SPIDR: variants seen among roughly 807,000 people sequenced by gnomAD.
The protein encoded by SPIDR is DNA repair-scaffolding protein.
A neutral mutation model predicts 104.6 loss-of-function variants in SPIDR; 93 were observed. The ratio of observed to expected loss-of-function variants is 0.89; its 90% CI spans 0.75 to 1.06. The LOEUF (loss-of-function observed/expected upper bound fraction) is 1.06, where lower values mean the gene tolerates loss of function less well. Ranked by LOEUF, SPIDR falls within the 50% of genes least tolerant of loss-of-function variation. The probability of loss-of-function intolerance (pLI) is 0.00; values close to 1 mark genes in which losing one functional copy is unlikely to be tolerated. For missense variants in SPIDR, 1,154 were observed against 1,111.2 expected, an observed-to-expected ratio of 1.04 and a Z score of -0.55; for synonymous variants, 431 against 416.9, an observed-to-expected ratio of 1.03 and a Z score of -0.41.
intron 5 of SPIDR, among the ~76,000 whole-genome samples, chr8:47,315,040 G>T (rs587618352): frequency 3.3e-4 from 50 of 152,092 alleles, no homozygotes; most frequent in Admixed American, 6.6e-4. Context: ...ATAAAGAAGG[G>T]CATTTCATAG....
At chr8:47,579,689 A>C (rs530624877) in intron 8 of SPIDR, among the ~76,000 whole-genome samples, 4 of 152,256 alleles carry the variant, frequency 2.6e-5, no homozygotes, top group African/African-American at 7.2e-5. Context: ...CTGTCAGCAG[A>C]TAGAGAAGCA....
intron 10 of SPIDR, among the ~76,000 whole-genome samples, chr8:47,605,086 A>G (rs2062779623): frequency 6.6e-6 from 1 of 152,230 alleles, no homozygotes; most frequent in Non-Finnish European, 1.5e-5. Flanking sequence ...TAGGGAAACA[A>G]TAGAGACAAA....
At chr8:47,336,948 C>T (rs1445355787) in intron 5 of SPIDR, among the ~76,000 whole-genome samples, 3 of 152,154 alleles carry the variant, frequency 2.0e-5, no homozygotes, top group Non-Finnish European at 4.4e-5. Context: ...CTTCACCTCA[C>T]TTTTCATTAT....
chr8:47,681,981 G>A (rs1220387318), intron 11 of SPIDR, among the ~76,000 whole-genome samples: 1 of 151,778 alleles, frequency 6.6e-6, no homozygotes, highest in Non-Finnish European at 1.5e-5. Context: ...TAATTAAGGA[G>A]GGAAAAAAGG....
intron 8 of SPIDR, among the ~76,000 whole-genome samples, chr8:47,578,114 A>G (rs1306135742): frequency 6.6e-6 from 1 of 152,242 alleles, no homozygotes; most frequent in South Asian, 2.1e-4. Context: ...AGACTACACT[A>G]TGCACTTCAC....
chr8:47,598,961 G>A lies in SPIDR; in HGVS notation c.1309G>A (p.Val437Ile), dbSNP rs199590481. 3 of 1,612,712 alleles carry A rather than the reference G, an allele frequency of 1.9e-6. No homozygotes were observed. The highest frequency in any genetic ancestry group is 4.5e-5 in the East Asian group (2 of 44,894). The change falls in exon 10 of 20, where the codon GTA becomes ATA. Residue 437 changes from valine (V) to isoleucine (I), a missense_variant. Val to Ile is a conservative substitution (Grantham distance 29). Transcript: ENST00000297423. ...SPEIQVVCSG[V>I]ATTGTAWTHG... is the part of the protein sequence containing the mutation. ...TCTTGGCCAGGTTGTGTGTAGTGGT[G>A]TAGCCACTACAGGGACAGCCTGGAC...
Position 47,440,481 on chromosome 8 carries a change from A to C in SPIDR, c.1036A>C (p.Lys346Gln). The change falls in exon 8 of 20, where the codon AAG becomes CAG. Residue 346 changes from lysine (K) to glutamine (Q), a missense_variant. Coordinates refer to ENST00000297423, the MANE Select transcript of SPIDR (RefSeq NM_001080394.4). ...AGCTGGCCTGAAAGTTCTCTTCACC[A>C]AGGAGACTGCAGGCTACCTCAGGGG... ...PGAGLKVLFT[K>Q]ETAGYLRGRP... The C allele has an allele frequency of 6.2e-7, 1 of 1,614,230 alleles. No homozygotes were observed. The highest frequency in any genetic ancestry group is 8.5e-7 in the Non-Finnish European group (1 of 1,180,028).
At chr8:47,296,038 A>G (rs1261322745) in intron 5 of SPIDR, among the ~76,000 whole-genome samples, 1 of 152,112 alleles carries the variant, frequency 6.6e-6, no homozygotes, top group Non-Finnish European at 1.5e-5. Flanking sequence ...GTGAGTGGTG[A>G]TGATGAGCAT....
intron 3 of SPIDR, among the ~76,000 whole-genome samples, chr8:47,289,799 T>C (rs896869826): frequency 6.6e-6 from 1 of 152,164 alleles, no homozygotes; most frequent in African/African-American, 2.4e-5. Flanking sequence ...ACATAACATC[T>C]TATACACAGA....
intron 7 of SPIDR, among the ~76,000 whole-genome samples, chr8:47,422,154 G>C (rs762329206): frequency 6.6e-6 from 1 of 152,182 alleles, no homozygotes; most frequent in South Asian, 2.1e-4. Context: ...AGGGACTTTT[G>C]AGTCAGCAGA....
chr8:47,598,763 C>A lies in SPIDR; in HGVS notation c.1294-183C>A, dbSNP rs375946876. Among the ~76,000 whole-genome samples the A allele has an allele frequency of 3.1e-4, 47 of 152,296 alleles. No individual in the cohort carries two copies. In the South Asian group the frequency reaches 6.0e-3, roughly 19 times the overall value. The stretch of plus-strand genomic sequence containing the variant: ...TCAGCTTGCAGTCTTAGCCACCTGG[C>A]AGGCCCAGAGCCCCATGCCACAAGT... On this transcript the variant is annotated intron_variant, in intron 9 of 19. Coordinates refer to ENST00000297423, the MANE Select transcript of SPIDR (RefSeq NM_001080394.4).
chr8:47,523,466 A>C (rs942899285), intron 8 of SPIDR, among the ~76,000 whole-genome samples: 1 of 152,172 alleles, frequency 6.6e-6, no homozygotes, highest in Non-Finnish European at 1.5e-5. Context: ...TTTGAGGGAA[A>C]AGGCCAGCTG....
chr8:47,339,959 G>A lies in SPIDR; in HGVS notation c.525+45929G>A, dbSNP rs535060681. ...CTCCCAAACTGCTGGGATTACAGGCGTGAGCCACCGCGCCTGGACTGTTTA... is the reference window on the plus strand; with the variant it reads ...CTCCCAAACTGCTGGGATTACAGGCATGAGCCACCGCGCCTGGACTGTTTA... On this transcript the variant is annotated intron_variant, in intron 5 of 19. Transcript: ENST00000297423. Among the ~76,000 whole-genome samples, 20 of 151,988 alleles carry A rather than the reference G, an allele frequency of 1.3e-4. No homozygotes were observed. The South Asian group carries it at 3.7e-3, about 28-fold the overall frequency.
intron 5 of SPIDR, among the ~76,000 whole-genome samples, chr8:47,297,505 G>C (rs1354771689): frequency 6.6e-6 from 1 of 151,614 alleles, no homozygotes; most frequent in Non-Finnish European, 1.5e-5. Context: ...TGTGCAAAAC[G>C]TGCAGGTTTG....
intron 16 of SPIDR, among the ~76,000 whole-genome samples, chr8:47,725,548 C>T (rs1422553133): frequency 1.3e-5 from 2 of 152,104 alleles, no homozygotes; most frequent in Admixed American, 1.3e-4. Context: ...CGTGCCACCA[C>T]GCCTGGCTAA....
At chr8:47,353,110 A>G (rs143628143) in intron 5 of SPIDR, among the ~76,000 whole-genome samples, 2,211 of 152,068 alleles carry the variant, frequency 0.015, 34 homozygotes, top group Middle Eastern at 0.034. Flanking sequence ...ATTTTGTTCA[A>G]CTTAATTTTG....
chr8:47,275,979 C>T (rs1446047439), intron 1 of SPIDR, among the ~76,000 whole-genome samples: 1 of 152,236 alleles, frequency 6.6e-6, no homozygotes, highest in Non-Finnish European at 1.5e-5. Flanking sequence ...GCCTCAGACC[C>T]CTGAGTAGCT....
chr8:47,649,384 T>C (rs1195464015), intron 10 of SPIDR, among the ~76,000 whole-genome samples: 1 of 152,210 alleles, frequency 6.6e-6, no homozygotes, highest in Non-Finnish European at 1.5e-5. Context: ...GTTCATGCTG[T>C]ACAGAATACC....
intron 11 of SPIDR, among the ~76,000 whole-genome samples, chr8:47,680,680 C>A (rs550360543): frequency 4.5e-4 from 69 of 152,362 alleles, no homozygotes; most frequent in Admixed American, 1.3e-3. Context: ...GGTCCAGAAT[C>A]TCTTTCTTAA....
Sources: gnomAD v4.1 joint callset for allele counts (sites outside exome capture counted in the v4.1 genomes callset) on GRCh38, gnomAD v4.1.1 for gene constraint, MANE v1.5 for transcripts, NCBI Gene and HGNC (gene_info 2026-07-23, HGNC 2026-07-21) for gene names.